Variants in TSNARE1 observed in about 807,000 individuals in gnomAD.
The protein encoded by TSNARE1 is t-SNARE domain-containing protein 1.
TSNARE1 carries 49 observed loss-of-function variants against 62.0 expected under a neutral mutation model. The observed-to-expected ratio is 0.79, with a 90% confidence interval of 0.63 to 1.00. TSNARE1 has a LOEUF of 1.00. TSNARE1 is among the 50% of genes least tolerant of loss of function. The pLI, the probability that TSNARE1 is intolerant of heterozygous loss-of-function variation, is 0.00. For missense variants in TSNARE1, 755 were observed against 700.1 expected (o/e 1.08, Z -0.88); for synonymous variants, 328 against 294.4 (o/e 1.11, Z -1.17).
At chr8:142,377,649 G>C (rs1836443480) in intron 1 of TSNARE1, among the ~76,000 whole-genome samples, 1 of 152,160 alleles carries the variant, frequency 6.6e-6, no homozygotes, top group Admixed American at 6.5e-5. Context: ...TGCATAACTG[G>C]GGGAACGGCA....
chr8:142,339,962 G>C (rs1832314005), intron 4 of TSNARE1, among the ~76,000 whole-genome samples: 1 of 152,254 alleles, frequency 6.6e-6, no homozygotes, highest in African/African-American at 2.4e-5. Flanking sequence ...GAGGGCTAGA[G>C]GCACTTCCCA....
Position 142,344,051 on chromosome 8 carries a change from A to G in TSNARE1, c.660T>C (p.Ala220=). The G allele has an allele frequency of 6.3e-7, 1 of 1,595,176 alleles. No homozygotes were observed. ...SPGSGKPQAL[A]LTPVEQVVAK... is the part of the protein sequence containing the mutation. ...CCACCACCTGCTCCACGGGCGTGAG[A>G]GCCAGGGCCTGGGGCTTGCCGGAAC... The change falls in exon 4 of 14, where the codon GCT becomes GCC. Residue 220 remains alanine (A), a synonymous_variant. Coordinates refer to ENST00000524325, the MANE Select transcript of TSNARE1 (RefSeq NM_145003.5).
intron 6 of TSNARE1, among the ~76,000 whole-genome samples, chr8:142,324,133 C>G (rs1829871457): frequency 6.6e-6 from 1 of 152,214 alleles, no homozygotes; most frequent in South Asian, 2.1e-4. Context: ...CATTTGTCAC[C>G]TCAAGAGAAG....
intron 12 of TSNARE1, among the ~76,000 whole-genome samples, chr8:142,230,237 G>GGGGGTGAGAGGCAAGGGATTAAGGGA (rs1468928530): frequency 1.3e-5 from 2 of 152,184 alleles, no homozygotes; most frequent in Non-Finnish European, 2.9e-5. Flanking sequence ...CGGCAGACCA[G>GGGGGTGAGAGGCAAGGGATTAAGGGA]GGGGTGAGAG....
intron 11 of TSNARE1, chr8:142,276,238 C>G: frequency 1.0e-6 from 1 of 985,448 alleles, no homozygotes; most frequent in Non-Finnish European, 1.2e-6. Context: ...TGGAGCAAAG[C>G]ACCCCTTTGC....
At chr8:142,276,748 G>T in intron 11 of TSNARE1, 1 of 985,356 alleles carries the variant, frequency 1.0e-6, no homozygotes, top group Non-Finnish European at 1.2e-6. Context: ...TGACCTGGAG[G>T]CCCACCCTCA....
In TSNARE1 at chr8:142,291,089, G is replaced by A. The variant is rs757909021; in HGVS notation, c.1291-6604C>T. Among the ~76,000 whole-genome samples the A allele has an allele frequency of 3.3e-5, 5 of 152,060 alleles. No individual in the cohort carries two copies. Among genetic ancestry groups the A allele is most frequent in the South Asian group, 2.1e-4 (1 of 4,820 alleles). On this transcript the variant is annotated intron_variant, in intron 10 of 13. Coordinates refer to ENST00000524325, the MANE Select transcript of TSNARE1 (RefSeq NM_145003.5). This position sits in a 1 kb window ranked among gnomAD's most constrained non-coding sequence, Gnocchi z 4.8. Reference sequence around the variant, plus strand: ...TGCCCAGGGAGATGAATTGCTGCTCGCCACCCGCTGCTCAGGACTGGTGTC... The same window carrying A: ...TGCCCAGGGAGATGAATTGCTGCTCACCACCCGCTGCTCAGGACTGGTGTC...
In TSNARE1 at chr8:142,288,941, C is replaced by T. The variant is rs1045146941; in HGVS notation, c.1291-4456G>A. ...TCCCAGCTTCAAGAGGCTCGGCCAG[C>T]AGGGCTGGCAGGTCCTCAGGGCTGC... On this transcript the variant is annotated intron_variant, in intron 10 of 13. Coordinates refer to ENST00000524325, the MANE Select transcript of TSNARE1 (RefSeq NM_145003.5). Among the ~76,000 whole-genome samples the T allele has an allele frequency of 1.8e-4, 27 of 152,244 alleles. 1 individual carries two copies. Among genetic ancestry groups the T allele is most frequent in the Admixed American group, 1.8e-3 (27 of 15,286 alleles).
chr8:142,381,061 C>G (rs1054657255), intron 1 of TSNARE1, among the ~76,000 whole-genome samples: 1 of 152,258 alleles, frequency 6.6e-6, no homozygotes, highest in African/African-American at 2.4e-5. Flanking sequence ...AGGCACACAG[C>G]TTCCCAGGCC....
intron 12 of TSNARE1, among the ~76,000 whole-genome samples, chr8:142,265,124 T>TTGTGTGTGTGTGTGTGTG (rs35377443): frequency 1.1e-4 from 16 of 151,206 alleles, no homozygotes; most frequent in East Asian, 5.8e-4. Context: ...TCTACTCAGT[T>TTGTGTGTGTGTGTGTGTG]TGTGTGTGTG....
chr8:142,358,635 C>T (rs981341804), intron 1 of TSNARE1, among the ~76,000 whole-genome samples: 1 of 152,100 alleles, frequency 6.6e-6, no homozygotes, highest in African/African-American at 2.4e-5. Context: ...CAAAGGCTAA[C>T]CCACGGTCAG....
At chr8:142,255,872 T>A (rs141965549) in intron 12 of TSNARE1, among the ~76,000 whole-genome samples, 1 of 7,434 alleles carries the variant, frequency 1.3e-4, no homozygotes. Context: ...ATCACCACCA[T>A]CATCACCATC....
At chr8:142,323,452 C>T (rs750532854) in intron 6 of TSNARE1, among the ~76,000 whole-genome samples, 1 of 152,166 alleles carries the variant, frequency 6.6e-6, no homozygotes, top group Non-Finnish European at 1.5e-5. Flanking sequence ...TTCTGCCTGT[C>T]GCCAAAGTAT....
intron 3 of TSNARE1, 63 bp from the exon 4 acceptor site, chr8:142,344,535 G>A (rs1218019602): frequency 1.8e-5 from 25 of 1,420,836 alleles, no homozygotes; most frequent in East Asian, 7.9e-5. Flanking sequence ...CGGCCCCGGC[G>A]GCAGCTCCCT....
At chr8:142,264,791 T>TTGGAG (rs771399804) in intron 12 of TSNARE1, among the ~76,000 whole-genome samples, 4 of 152,368 alleles carry the variant, frequency 2.6e-5, no homozygotes, top group African/African-American at 4.8e-5. Flanking sequence ...TGGTCCTATG[T>TTGGAG]TGGAGTGCCT....
chr8:142,328,164 T>TA (rs35142304), intron 6 of TSNARE1, among the ~76,000 whole-genome samples: 32,381 of 149,228 alleles, frequency 0.22, 3,842 homozygotes, highest in African/African-American at 0.31. Context: ...AATAGTTTTT[T>TA]AAAAAAAAAA....
At chr8:142,223,192 G>C (rs111215731) in intron 13 of TSNARE1, among the ~76,000 whole-genome samples, 1 of 47,900 alleles carries the variant, frequency 2.1e-5, no homozygotes, top group African/African-American at 5.9e-5. Flanking sequence ...TCATTCACTC[G>C]TTCACTCACT....
intron 10 of TSNARE1, among the ~76,000 whole-genome samples, chr8:142,298,567 G>GA (rs1409935091): frequency 2.6e-5 from 4 of 152,160 alleles, no homozygotes; most frequent in Non-Finnish European, 4.4e-5. Flanking sequence ...GGTGGGCCAG[G>GA]AGCCAAGCCT....
rs185425777 is a variant in TSNARE1, at chr8:142,385,899, G to A, written c.-40+17205C>T. ...TGGGCCATGTTCCTACTTGGAGACT[G>A]GGAAAATAACTCGGATTGCAGGAAG... On this transcript the variant is annotated intron_variant, in intron 1 of 13. Coordinates refer to ENST00000524325, the MANE Select transcript of TSNARE1 (RefSeq NM_145003.5). Among the ~76,000 whole-genome samples the A allele has an allele frequency of 8.5e-5, 13 of 152,314 alleles. No individual in the cohort carries two copies. In the East Asian group the frequency reaches 2.5e-3, roughly 29 times the overall value.
Sources: gnomAD v4.1 joint callset for allele counts (sites outside exome capture counted in the v4.1 genomes callset) on GRCh38, gnomAD v4.1.1 for gene constraint, Gnocchi (gnomAD v3.1) non-coding constraint, MANE v1.5 for transcripts, NCBI Gene and HGNC (gene_info 2026-07-23, HGNC 2026-07-21) for gene names.